The following ZNF285 variants were observed in gnomAD, a reference collection of about 807,000 sequenced individuals.
The protein encoded by ZNF285 is zinc finger protein 285A.
A neutral mutation model predicts 6.2 loss-of-function variants in ZNF285; 4 were observed. That is an observed-to-expected ratio of 0.65 (90% confidence interval 0.32 to 1.49). ZNF285 has a LOEUF of 1.49. ZNF285 is among the 40% of genes most tolerant of loss of function. ZNF285 has a pLI of 0.07. For synonymous variants in ZNF285, 240 were observed against 245.8 expected (o/e 0.98, Z 0.22); for missense variants, 695 against 708.8 (o/e 0.98, Z 0.22).
At chr19:44,392,718 C>T (rs1263880776) in intron 2 of ZNF285, 3 of 660,148 alleles carry the variant, frequency 4.5e-6, no homozygotes, top group Non-Finnish European at 8.1e-6. Context: ...TGAGAGCAAG[C>T]TCTGTTGAGG....
In ZNF285 at chr19:44,387,088, T is replaced by C; in HGVS notation, c.1157A>G (p.Asn386Ser). ...ECGKGFDQSS[N>S]LLVHQRVHTG... ...GTGGACTCTCTGATGGACAAGAAGG[T>C]TGGAGCTCTGATCAAAGCCCTTCCC... The change falls in exon 4 of 4, where the codon AAC becomes AGC. Residue 386 changes from asparagine (N) to serine (S), a missense_variant. Asn to Ser is a conservative substitution (Grantham distance 46). Transcript: ENST00000614994. 1.2e-6 allele frequency: 2 copies of C among 1,614,164 alleles called. No individual in the cohort carries two copies. Among genetic ancestry groups the C allele is most frequent in the East Asian group, 2.2e-5 (1 of 44,882 alleles).
chr19:44,386,847 C>G lies in ZNF285; in HGVS notation c.1398G>C (p.Ala466=), dbSNP rs139913772. 6.2e-7 allele frequency: 1 copy of G among 1,614,220 alleles called. No homozygotes were observed. Reference sequence around the variant, plus strand: ...GATGAGTGTGAAGAACAGAGCTATACGCAAAATCCTTTCCACACACATTGC... The same window carrying G: ...GATGAGTGTGAAGAACAGAGCTATAGGCAAAATCCTTTCCACACACATTGC... ...YKCNVCGKDF[A]YSSVLHTHQR... The change falls in exon 4 of 4, where the codon GCG becomes GCC. Residue 466 remains alanine, a synonymous_variant. Transcript: ENST00000614994.
intron 2 of ZNF285, among the ~76,000 whole-genome samples, chr19:44,393,773 A>G (rs566441641): frequency 4.6e-5 from 7 of 152,230 alleles, no homozygotes; most frequent in African/African-American, 1.7e-4. Context: ...GGTGCTGGAG[A>G]GGATGTGGAG....
chr19:44,391,152 C>CAA (rs771843198), intron 3 of ZNF285, among the ~76,000 whole-genome samples: 10 of 114,664 alleles, frequency 8.7e-5, no homozygotes, highest in African/African-American at 1.9e-4. Context: ...GACTCCATCT[C>CAA]AAAAAAAAAA....
At position 44,397,233 on chromosome 19, in the gene ZNF285, G is replaced by A. The variant is rs1489474544; in HGVS notation, c.-20C>T. On this transcript the variant is annotated 5_prime_UTR_variant, in exon 2 of 4. Coordinates refer to ENST00000614994, the MANE Select transcript of ZNF285 (RefSeq NM_152354.6). ...AATCATACCGTCTTCCTTTTGGAAA[G>A]GGCAGGATTCTGGAAAAGCAGAACT... The A allele has an allele frequency of 6.2e-7, 1 of 1,613,902 alleles. No homozygotes were observed.
rs765655978 is a variant in ZNF285, at chr19:44,387,115, C to A, written c.1130G>T (p.Cys377Phe). The A allele has an allele frequency of 3.1e-6, 5 of 1,614,092 alleles. No individual in the cohort carries two copies. The highest frequency in any genetic ancestry group is 1.3e-5 in the African/African-American group (1 of 74,946). The change falls in exon 4 of 4, where the codon TGT becomes TTT. Residue 377 changes from cysteine (C) to phenylalanine (F), a missense_variant. Cys to Phe is a radical substitution (Grantham distance 205). Transcript: ENST00000614994. ...TGKKPYKCEE[C>F]GKGFDQSSNL... Reference sequence around the variant, plus strand: ...GGAGCTCTGATCAAAGCCCTTCCCACACTCTTCACATTTATAGGGCTTTTT... The same window carrying A: ...GGAGCTCTGATCAAAGCCCTTCCCAAACTCTTCACATTTATAGGGCTTTTT...
Position 44,387,288 on chromosome 19 carries a change from T to A in ZNF285, c.957A>T (p.Lys319Asn). 1 of 1,614,178 alleles carries A rather than the reference T, an allele frequency of 6.2e-7. No individual in the cohort carries two copies. The highest frequency in any genetic ancestry group is 8.5e-7 in the Non-Finnish European group (1 of 1,180,038). The change falls in exon 4 of 4, where the codon AAA (lysine) becomes AAT (asparagine). Residue 319 changes from lysine (K) to asparagine (N), a missense_variant. By Grantham distance (94) the Lys-to-Asn change is moderately conservative. Coordinates refer to ENST00000614994, the MANE Select transcript of ZNF285 (RefSeq NM_152354.6). ...VSSGDKPYKCKECGKGFRRSS... is the reference protein window; with the variant it reads ...VSSGDKPYKCNECGKGFRRSS... ...TGCGCCTGAAGCCCTTGCCACATTC[T>A]TTACATTTGTAGGGTTTGTCTCCTG...
At chr19:44,390,382 G>A (rs111715089) in intron 3 of ZNF285, among the ~76,000 whole-genome samples, 1 of 152,138 alleles carries the variant, frequency 6.6e-6, no homozygotes, top group African/African-American at 2.4e-5. Context: ...TGACTTTTAA[G>A]ATTTGACTGC....
intron 1 of ZNF285, among the ~76,000 whole-genome samples, chr19:44,397,622 C>G (rs1971304006): frequency 6.6e-6 from 1 of 152,180 alleles, no homozygotes; most frequent in Non-Finnish European, 1.5e-5. Flanking sequence ...CAGTGGCTCA[C>G]ACCTGTAATC....
In ZNF285 at chr19:44,387,503, G is replaced by A. The variant is rs990870614; in HGVS notation, c.742C>T (p.His248Tyr). The change falls in exon 4 of 4, where the codon CAT becomes TAT. Residue 248 changes from histidine (H) to tyrosine (Y), a missense_variant. Transcript: ENST00000614994. ...CCTAGGTGAGTGCTGTGATGGACAT[G>A]AGGATCTGTATCATCTGCAAAGGCC... ...GVAFADDTDP[H>Y]VHHSTHLGEK... 1.9e-6 allele frequency: 3 copies of A among 1,613,986 alleles called. No homozygotes were observed. The East Asian group carries it at 6.7e-5, about 36-fold the overall frequency.
intron 1 of ZNF285, among the ~76,000 whole-genome samples, chr19:44,400,919 A>C (rs1971364760): frequency 3.3e-5 from 5 of 151,340 alleles, no homozygotes; most frequent in Non-Finnish European, 7.4e-5. Context: ...GTGACATTAA[A>C]CTCTGGAGTT....
At chr19:44,390,872 C>T (rs563404613) in intron 3 of ZNF285, among the ~76,000 whole-genome samples, 1 of 151,970 alleles carries the variant, frequency 6.6e-6, no homozygotes, top group South Asian at 2.1e-4. Flanking sequence ...AGGGGAGTTT[C>T]CAGCTGGGCA....
chr19:44,386,643 G>C lies in ZNF285; in HGVS notation c.1602C>G (p.His534Gln). 1 of 1,614,156 alleles carries C rather than the reference G, an allele frequency of 6.2e-7. No individual in the cohort carries two copies. Among genetic ancestry groups the C allele is most frequent in the Non-Finnish European group, 8.5e-7 (1 of 1,180,024 alleles). The change falls in exon 4 of 4, where the codon CAC (histidine) becomes CAG (glutamine). Residue 534 changes from histidine (H) to glutamine (Q), a missense_variant. His to Gln is a conservative substitution (Grantham distance 24, BLOSUM62 0). Coordinates refer to ENST00000614994, the MANE Select transcript of ZNF285 (RefSeq NM_152354.6). ...NSDLNVHLRVHTGERPYKCKA... is the reference protein window; with the variant it reads ...NSDLNVHLRVQTGERPYKCKA... ...TACACTTATAGGGCCTCTCTCCTGT[G>C]TGGACTCTGAGGTGAACATTAAGAT...
At chr19:44,401,373 C>T (rs1298130422) in intron 1 of ZNF285, 195 bp downstream of exon 1, 1 of 152,270 alleles carries the variant, frequency 6.6e-6, no homozygotes, top group Non-Finnish European at 1.5e-5. Flanking sequence ...AGCCCACGCT[C>T]TTCCCATCCT....
rs973038894 is a variant in ZNF285 at position 44,387,583 on chromosome 19, T to C, written c.662A>G (p.Lys221Arg). Residue 221 changes from lysine (K) to arginine (R), a missense_variant, in exon 4 of 4, where the codon AAA becomes AGA. By Grantham distance (26) the Lys-to-Arg change is conservative. Transcript: ENST00000614994. ...TGGTAATACATGGGCCGCATTACGT[T>C]TTTCAACCGTTGATTTCATACCCAA... ...KNLGMKSTVEKRNAAHVLPQP... is the reference protein window; with the variant it reads ...KNLGMKSTVERRNAAHVLPQP... 7 of 1,613,730 alleles carry C rather than the reference T, an allele frequency of 4.3e-6. No individual in the cohort carries two copies. In the Admixed American group the frequency reaches 1.2e-4, roughly 27 times the overall value.
chr19:44,386,693 C>T lies in ZNF285; in HGVS notation c.1552G>A (p.Gly518Ser). 1.2e-6 allele frequency: 2 copies of T among 1,614,132 alleles called. No individual in the cohort carries two copies. The highest frequency in any genetic ancestry group is 8.5e-7 in the Non-Finnish European group (1 of 1,180,022). Residue 518 changes from glycine (G) to serine (S), a missense_variant, in exon 4 of 4, where the codon GGT becomes AGT. Transcript: ENST00000614994. ...REKPYKCDEC[G>S]KGFSRNSDLN... ...TCTGAATTCCGGCTGAAGCCTTTAC[C>T]ACACTCATCACATTTATATGGTTTC... is the stretch of plus-strand genomic sequence containing the variant.
chr19:44,386,310 C>T lies in ZNF285; in HGVS notation c.*162G>A. 1 of 762,142 alleles carries T rather than the reference C, an allele frequency of 1.3e-6. No individual in the cohort carries two copies. The highest frequency in any genetic ancestry group is 2.0e-6 in the Non-Finnish European group (1 of 489,638). The allele number at this position is 762,142 out of a possible 1,614,324, so 47.2% of individuals were successfully genotyped here. A position where few individuals can be genotyped will look rare whatever the true frequency, so the allele number is the denominator to read the frequency against. The stretch of plus-strand genomic sequence containing the variant: ...GGAGCTTCACAGAAGTTCTTGAAAT[C>T]CACAGTCCTTGCCTGGCACACTTCA... On this transcript the variant is annotated 3_prime_UTR_variant, in exon 4 of 4. Transcript: ENST00000614994.
Position 44,387,637 on chromosome 19 carries a change from G to A in ZNF285, c.608C>T (p.Pro203Leu), listed in dbSNP as rs773513335. Residue 203 changes from proline to leucine, a missense_variant, in exon 4 of 4, where the codon CCT becomes CTT. Coordinates refer to ENST00000614994, the MANE Select transcript of ZNF285 (RefSeq NM_152354.6). ...TTTCCCACAGCTGGGATGTCTACCA[G>A]GGTCCTCTCCTTTACATTCTTGGGA... The part of the protein sequence containing the change: ...HESQECKGED[P>L]GRHPSCGKNL... The A allele has an allele frequency of 6.2e-7, 1 of 1,613,850 alleles. No individual in the cohort carries two copies. Among genetic ancestry groups the A allele is most frequent in the Non-Finnish European group, 8.5e-7 (1 of 1,179,832 alleles).
chr19:44,386,406 T>G lies in ZNF285; in HGVS notation c.*66A>C. 1 of 1,527,590 alleles carries G rather than the reference T, an allele frequency of 6.5e-7. No individual in the cohort carries two copies. The highest frequency in any genetic ancestry group is 1.9e-5 in the Admixed American group (1 of 53,290). The allele number at this position is 1,527,590 out of a possible 1,614,324, so 94.6% of individuals were successfully genotyped here. ...TCCCCTAGCCCTCCCACAGGCTGAG[T>G]AAGCCTCTATCATCTGGAATACAGT... On this transcript the variant is annotated 3_prime_UTR_variant, in exon 4 of 4. Coordinates refer to ENST00000614994, the MANE Select transcript of ZNF285 (RefSeq NM_152354.6).
Sources: gnomAD v4.1 joint callset for allele counts (sites outside exome capture counted in the v4.1 genomes callset) on GRCh38, gnomAD v4.1.1 for gene constraint, MANE v1.5 for transcripts, NCBI Gene and HGNC (gene_info 2026-07-23, HGNC 2026-07-21) for gene names.